Variants in PTPRD observed in about 807,000 individuals in gnomAD.
PTPRD encodes receptor-type tyrosine-protein phosphatase delta.
PTPRD carries 34 observed loss-of-function variants against 214.5 expected under a neutral mutation model. The observed-to-expected ratio is 0.16, with a 90% CI of 0.12 to 0.21. PTPRD has a LOEUF of 0.21. Among genes scored for constraint, PTPRD ranks in the 10% least tolerant of loss-of-function variants. PTPRD has a pLI of 1.00. For missense variants in PTPRD, 2,545 were observed against 2,398.7 expected (o/e 1.06, Z -1.27); for synonymous variants, 1,128 against 845.7 (o/e 1.33, Z -5.79).
chr9:10,422,781 C>A (rs889803460), intron 2 of PTPRD, among the ~76,000 whole-genome samples: 1 of 151,886 alleles, frequency 6.6e-6, no homozygotes, highest in African/African-American at 2.4e-5. Context: ...GTTAGAATGG[C>A]GATCATTAAA....
intron 9 of PTPRD, among the ~76,000 whole-genome samples, chr9:9,376,513 T>C (rs369684028): frequency 6.6e-5 from 10 of 152,160 alleles, no homozygotes; most frequent in African/African-American, 2.2e-4. Context: ...CCAAGCCCAT[T>C]AACTTCACTT....
intron 3 of PTPRD, among the ~76,000 whole-genome samples, chr9:10,188,211 T>C (rs1351421476): frequency 6.6e-6 from 1 of 152,202 alleles, no homozygotes; most frequent in Non-Finnish European, 1.5e-5. Context: ...ATTTTATGGA[T>C]ATGCATTCAG....
intron 14 of PTPRD, among the ~76,000 whole-genome samples, chr9:8,577,306 G>T (rs2092536345): frequency 6.6e-6 from 1 of 152,122 alleles, no homozygotes; most frequent in South Asian, 2.1e-4. Context: ...CCAGGCTGGA[G>T]TACAATTGGC....
At chr9:8,496,720 G>C (rs976909093) in intron 26 of PTPRD, among the ~76,000 whole-genome samples, 7 of 152,166 alleles carry the variant, frequency 4.6e-5, no homozygotes, top group African/African-American at 1.7e-4. Flanking sequence ...TGAGCATTAT[G>C]AGCAGCCTAC....
chr9:8,855,105 A>T (rs940156097), intron 11 of PTPRD, among the ~76,000 whole-genome samples: 2 of 142,616 alleles, frequency 1.4e-5, no homozygotes, highest in Admixed American at 1.5e-4. Context: ...GAAAAAACAA[A>T]AACTTGGGGG....
intron 2 of PTPRD, among the ~76,000 whole-genome samples, chr9:10,354,567 C>G (rs1005721295): frequency 1.3e-5 from 2 of 152,110 alleles, no homozygotes; most frequent in African/African-American, 2.4e-5. Flanking sequence ...TTCTTTGACT[C>G]TCAAATATGC....
intron 10 of PTPRD, among the ~76,000 whole-genome samples, chr9:9,084,517 T>C (rs2099764142): frequency 6.6e-6 from 1 of 152,048 alleles, no homozygotes; most frequent in South Asian, 2.1e-4. Context: ...CAAACCTGCA[T>C]GTTTTGCACA....
At chr9:9,194,719 G>C (rs1008180337) in intron 9 of PTPRD, among the ~76,000 whole-genome samples, 1 of 152,132 alleles carries the variant, frequency 6.6e-6, no homozygotes, top group Non-Finnish European at 1.5e-5. Flanking sequence ...GAAATAGGGC[G>C]CTGGGATCCT....
chr9:8,880,978 G>C (rs2098441137), intron 11 of PTPRD, among the ~76,000 whole-genome samples: 1 of 152,070 alleles, frequency 6.6e-6, no homozygotes, highest in Non-Finnish European at 1.5e-5. Flanking sequence ...TGTTCCTCAA[G>C]CTGGTGTCGA....
intron 10 of PTPRD, among the ~76,000 whole-genome samples, chr9:9,019,293 A>AAAGAAAGAAAGAAAGAAAGAAAGAAAGG (rs1569428037): frequency 8.8e-4 from 37 of 41,856 alleles, no homozygotes; most frequent in African/African-American, 2.8e-3. Context: ...AGAAAGAAAG[A>AAAGAAAGAAAGAAAGAAAGAAAGAAAGG]AAGAAAGAAA....
intron 8 of PTPRD, among the ~76,000 whole-genome samples, chr9:9,418,970 G>T (rs7852595): frequency 0.8 from 121,026 of 151,642 alleles, 48,432 homozygotes; most frequent in Non-Finnish European, 0.82. Flanking sequence ...AGAAGGAAAC[G>T]ACTTTCTAGA....
chr9:10,103,066 C>T (rs1245571563), intron 3 of PTPRD, among the ~76,000 whole-genome samples: 1 of 151,434 alleles, frequency 6.6e-6, no homozygotes, highest in African/African-American at 2.4e-5. Context: ...ATGTAAACAA[C>T]ATGTTAAAGG....
chr9:8,384,490 C>A (rs1239487230), intron 37 of PTPRD, among the ~76,000 whole-genome samples: 1 of 152,120 alleles, frequency 6.6e-6, no homozygotes, highest in Admixed American at 6.6e-5. Context: ...CAGCAGAACT[C>A]ATGCTTTCCC....
intron 9 of PTPRD, among the ~76,000 whole-genome samples, chr9:9,267,540 G>C (rs552762386): frequency 4.0e-5 from 6 of 151,120 alleles, no homozygotes; most frequent in Non-Finnish European, 8.9e-5. Flanking sequence ...CATGAGGCCA[G>C]TATTCCCTTT....
intron 3 of PTPRD, among the ~76,000 whole-genome samples, chr9:10,097,669 T>C (rs1355534943): frequency 2.0e-5 from 3 of 151,798 alleles, no homozygotes; most frequent in Non-Finnish European, 4.4e-5. Flanking sequence ...AGATATACAA[T>C]CATGTCGTCT....
At chr9:10,203,834 T>A (rs918660051) in intron 3 of PTPRD, among the ~76,000 whole-genome samples, 6 of 152,132 alleles carry the variant, frequency 3.9e-5, no homozygotes, top group African/African-American at 1.4e-4. Flanking sequence ...AATGAGTTCA[T>A]CTTAAGTTAT....
At chr9:10,031,647 T>TATATATATACACACACAC in intron 4 of PTPRD, among the ~76,000 whole-genome samples, 1 of 89,646 alleles carries the variant, frequency 1.1e-5, no homozygotes, top group African/African-American at 8.1e-5. Flanking sequence ...TATATATATA[T>TATATATATACACACACAC]ACACACACAC....
chr9:8,351,713 T>C lies in PTPRD; in HGVS notation c.4662-9735A>G, dbSNP rs1019575309. On this transcript the variant is annotated intron_variant, in intron 39 of 45. Coordinates refer to ENST00000381196, the MANE Select transcript of PTPRD (RefSeq NM_002839.4). ...AGAAAGTAAGGGGATATAGGAGTCA[T>C]TGTAGAGAGGAGACTGCTTGGCAAA... Among the ~76,000 whole-genome samples, 4 of 131,448 alleles carry C rather than the reference T, an allele frequency of 3.0e-5. No homozygotes were observed. In the East Asian group the frequency reaches 6.5e-4, roughly 21 times the overall value. The allele number at this position is 131,448 out of a possible 152,430, so 86.2% of individuals were successfully genotyped here. A position where few individuals can be genotyped will look rare whatever the true frequency, so the allele number is the denominator to read the frequency against.
At chr9:9,963,048 G>A (rs564011238) in intron 4 of PTPRD, among the ~76,000 whole-genome samples, 31 of 152,048 alleles carry the variant, frequency 2.0e-4, no homozygotes, top group African/African-American at 6.5e-4. Context: ...TATCTGACAA[G>A]CCTAGGGATG....
Sources: allele counts gnomAD v4.1 joint callset (sites outside exome capture counted in the v4.1 genomes callset), GRCh38; gene constraint gnomAD v4.1.1; transcripts MANE v1.5; gene names NCBI Gene and HGNC (gene_info 2026-07-23, HGNC 2026-07-21).